Variants in LINGO2 observed in about 807,000 individuals in gnomAD.
LINGO2 encodes leucine-rich repeat and immunoglobulin-like domain-containing nogo receptor-interacting protein 2.
In LINGO2, 14 loss-of-function variants were observed where a neutral mutation model predicts 30.6. The ratio of observed to expected loss-of-function variants is 0.46; its 90% CI spans 0.30 to 0.72. LINGO2 has a LOEUF of 0.72. LINGO2 is among the 30% of genes least tolerant of loss of function. LINGO2 has a pLI of 0.07. For missense variants in LINGO2, 729 were observed against 751.7 expected (o/e 0.97, Z 0.35); for synonymous variants, 317 against 288.5 (o/e 1.10, Z -1.00).
Position 27,996,165 on chromosome 9 carries a change from G to C in LINGO2, c.-36+16190C>G, listed in dbSNP as rs561101368. Among the ~76,000 whole-genome samples the C allele has an allele frequency of 5.3e-5, 8 of 152,124 alleles. 1 individual carries two copies. The South Asian group carries it at 1.7e-3, about 32-fold the overall frequency. On this transcript the variant is annotated intron_variant, in intron 5 of 5. Coordinates refer to ENST00000379992, the Ensembl canonical transcript of LINGO2. The stretch of plus-strand genomic sequence containing the variant: ...GATACTGGTAAGGATGTTGAGAAAG[G>C]GGAGCACTTGTATTTTGTTGGTGGA...
chr9:28,068,661 C>A (rs929760415), intron 4 of LINGO2, among the ~76,000 whole-genome samples: 1 of 152,098 alleles, frequency 6.6e-6, no homozygotes, highest in South Asian at 2.1e-4. Flanking sequence ...CATACTTATT[C>A]GATCTGCAAA....
intron 5 of LINGO2, among the ~76,000 whole-genome samples, chr9:27,967,797 A>G (rs1820170693): frequency 6.6e-6 from 1 of 152,146 alleles, no homozygotes; most frequent in African/African-American, 2.4e-5. Context: ...CCTTTTCCAG[A>G]TACAGCTGCA....
At chr9:28,536,380 C>T (rs1006586863) in intron 1 of LINGO2, among the ~76,000 whole-genome samples, 11 of 152,076 alleles carry the variant, frequency 7.2e-5, no homozygotes, top group African/African-American at 2.7e-4. Context: ...TTTGGGTTGT[C>T]ATAACTTCAT....
At chr9:28,362,277 TGAGAGA>T (rs148560086) in intron 3 of LINGO2, among the ~76,000 whole-genome samples, 1 of 151,106 alleles carries the variant, frequency 6.6e-6, no homozygotes, top group Non-Finnish European at 1.5e-5. Flanking sequence ...TGTGCGTGTT[TGAGAGA>T]GAGAGAGAGG....
chr9:28,628,645 C>A (rs1361832608), intron 1 of LINGO2, among the ~76,000 whole-genome samples: 1 of 152,064 alleles, frequency 6.6e-6, no homozygotes, highest in Admixed American at 6.6e-5. Context: ...AGAATGATAA[C>A]AAATGGATGT....
chr9:28,844,505 A>C, the LINGO2 span, among the ~76,000 whole-genome samples: 1 of 151,906 alleles, frequency 6.6e-6, no homozygotes, highest in Non-Finnish European at 1.5e-5. Flanking sequence ...AAGTATAACA[A>C]AAGTGCATGC....
chr9:28,853,188 T>C, the LINGO2 span, among the ~76,000 whole-genome samples: 2 of 152,088 alleles, frequency 1.3e-5, no homozygotes, highest in Middle Eastern at 3.2e-3. Context: ...GTGCATTGGA[T>C]AATGCAGAGG....
chr9:28,261,395 G>A (rs1822558832), intron 4 of LINGO2, among the ~76,000 whole-genome samples: 1 of 151,808 alleles, frequency 6.6e-6, no homozygotes, highest in Non-Finnish European at 1.5e-5. Context: ...CATTTCCATT[G>A]TATTCAAAAC....
At chr9:28,150,227 GC>G (rs1471187503) in intron 4 of LINGO2, among the ~76,000 whole-genome samples, 1 of 152,136 alleles carries the variant, frequency 6.6e-6, no homozygotes, top group Non-Finnish European at 1.5e-5. Context: ...CCTCTGCCCG[GC>G]CCCCTCACCA....
intron 1 of LINGO2, among the ~76,000 whole-genome samples, chr9:28,483,076 A>T (rs1587734815): frequency 6.6e-6 from 1 of 152,220 alleles, no homozygotes; most frequent in East Asian, 1.9e-4. Flanking sequence ...TGCATTTCAA[A>T]ACCTAAAACG....
intron 5 of LINGO2, among the ~76,000 whole-genome samples, chr9:27,982,626 C>T (rs781520973): frequency 1.3e-5 from 2 of 151,876 alleles, no homozygotes; most frequent in Non-Finnish European, 2.9e-5. Context: ...ATTTAGCTCA[C>T]ACAGCTAATA....
intron 5 of LINGO2, among the ~76,000 whole-genome samples, chr9:27,960,550 G>A (rs1819789135): frequency 6.6e-6 from 1 of 150,544 alleles, no homozygotes; most frequent in South Asian, 2.1e-4. Context: ...CACACAAAAT[G>A]TGGCGTGACA....
At chr9:28,769,687 T>G in the LINGO2 span, among the ~76,000 whole-genome samples, 3 of 150,420 alleles carry the variant, frequency 2.0e-5, no homozygotes, top group Admixed American at 2.0e-4. Context: ...GGAACTTTTT[T>G]TTTTTACTTA....
chr9:28,034,461 C>T (rs1587734654), intron 4 of LINGO2, among the ~76,000 whole-genome samples: 1 of 152,152 alleles, frequency 6.6e-6, no homozygotes, highest in Admixed American at 6.5e-5. Context: ...CGCACATATT[C>T]TAGTTAGGAA....
chr9:28,762,899 G>A, the LINGO2 span, among the ~76,000 whole-genome samples: 2 of 152,044 alleles, frequency 1.3e-5, no homozygotes, highest in East Asian at 3.9e-4. Context: ...AGAAAGAGAG[G>A]AAGAGGAACA....
chr9:29,018,060 A>ATC, the LINGO2 span, among the ~76,000 whole-genome samples: 1 of 137,364 alleles, frequency 7.3e-6, no homozygotes, highest in Non-Finnish European at 1.5e-5. Flanking sequence ...CTATATATAA[A>ATC]TATATATAAA....
chr9:28,980,972 G>A, the LINGO2 span, among the ~76,000 whole-genome samples: 1 of 152,190 alleles, frequency 6.6e-6, no homozygotes, highest in Non-Finnish European at 1.5e-5. Flanking sequence ...GTTGAATAAA[G>A]TAATTATTGA....
At chr9:28,060,531 C>G (rs1030649684) in intron 4 of LINGO2, among the ~76,000 whole-genome samples, 6 of 152,152 alleles carry the variant, frequency 3.9e-5, no homozygotes, top group Non-Finnish European at 4.4e-5. Context: ...GCTAAGTTCA[C>G]AAAGCCAGGA....
the LINGO2 span, among the ~76,000 whole-genome samples, chr9:28,924,168 C>CT: frequency 6.6e-5 from 10 of 151,790 alleles, no homozygotes; most frequent in Non-Finnish European, 8.8e-5. Flanking sequence ...GTTTCCCAAA[C>CT]TTTTTTTTTG....
Sources: gnomAD v4.1 joint callset for allele counts (sites outside exome capture counted in the v4.1 genomes callset) on GRCh38, gnomAD v4.1.1 for gene constraint, MANE v1.5 for transcripts, NCBI Gene and HGNC (gene_info 2026-07-23, HGNC 2026-07-21) for gene names.